LINGO2: variants seen among roughly 807,000 people sequenced by gnomAD.
LINGO2 encodes leucine-rich repeat and immunoglobulin-like domain-containing nogo receptor-interacting protein 2.
A neutral mutation model predicts 30.6 loss-of-function variants in LINGO2; 14 were observed. The observed-to-expected ratio is 0.46, with a 90% confidence interval of 0.30 to 0.72. The LOEUF is 0.72. Among genes scored for constraint, LINGO2 ranks in the 30% least tolerant of loss-of-function variants. LINGO2 has a pLI of 0.07. For missense variants in LINGO2, 729 were observed against 751.7 expected (o/e 0.97, Z 0.35); for synonymous variants, 317 against 288.5 (o/e 1.10, Z -1.00).
intron 3 of LINGO2, among the ~76,000 whole-genome samples, chr9:28,333,796 G>T (rs1306531362): frequency 6.6e-6 from 1 of 152,064 alleles, no homozygotes; most frequent in East Asian, 1.9e-4. Flanking sequence ...TATCATCATT[G>T]CTCCAAATGA....
rs141936550 is a variant in LINGO2 at position 28,133,514 on chromosome 9, T to C, written c.-86-121109A>G. ...ATGACATACAGATAGTATTTAAGATTCAATTGATACTATTAAAATATTACT... is the reference window on the plus strand; with the variant it reads ...ATGACATACAGATAGTATTTAAGATCCAATTGATACTATTAAAATATTACT... On this transcript the variant is annotated intron_variant, in intron 4 of 5. Transcript: ENST00000379992. 6.6e-4 allele frequency among the ~76,000 whole-genome samples: 100 copies of C among 152,278 alleles called. 1 individual carries two copies. In the East Asian group the frequency reaches 7.1e-3, roughly 11 times the overall value.
intron 1 of LINGO2, among the ~76,000 whole-genome samples, chr9:28,537,984 G>A (rs1328288291): frequency 6.6e-6 from 1 of 151,834 alleles, no homozygotes; most frequent in Non-Finnish European, 1.5e-5. Flanking sequence ...CTGCCGGATT[G>A]ACAGTAGTGT....
intron 4 of LINGO2, among the ~76,000 whole-genome samples, chr9:28,059,635 T>C (rs77524964): frequency 0.015 from 2,236 of 152,230 alleles, 62 homozygotes; most frequent in African/African-American, 0.051. Context: ...AGCAAATCTC[T>C]TATCTCTAGC....
At chr9:28,390,825 T>G (rs2134687071) in intron 2 of LINGO2, among the ~76,000 whole-genome samples, 1 of 152,344 alleles carries the variant, frequency 6.6e-6, no homozygotes, top group South Asian at 2.1e-4. Flanking sequence ...CTCTTCTTAT[T>G]ATTCAGGAAT....
chr9:29,176,865 AATT>A, the LINGO2 span, among the ~76,000 whole-genome samples: 3 of 152,186 alleles, frequency 2.0e-5, no homozygotes, highest in Non-Finnish European at 4.4e-5. Flanking sequence ...GTTATCAAAT[AATT>A]CCTTTCTCTG....
the LINGO2 span, among the ~76,000 whole-genome samples, chr9:28,697,905 T>C: frequency 6.6e-6 from 1 of 152,114 alleles, no homozygotes; most frequent in Non-Finnish European, 1.5e-5. Flanking sequence ...ATGAATTTTA[T>C]AACTTGGCTT....
At chr9:28,473,120 T>C (rs1307025864) in intron 2 of LINGO2, among the ~76,000 whole-genome samples, 1 of 152,168 alleles carries the variant, frequency 6.6e-6, no homozygotes, top group East Asian at 1.9e-4. Context: ...GATCTGAGAT[T>C]GTGATAAAAA....
the LINGO2 span, among the ~76,000 whole-genome samples, chr9:28,999,915 T>A: frequency 6.6e-5 from 10 of 152,066 alleles, no homozygotes; most frequent in African/African-American, 2.2e-4. Flanking sequence ...CATGTTTAGA[T>A]CTGGCTCTTT....
At chr9:28,567,483 A>T (rs1480018724) in intron 1 of LINGO2, among the ~76,000 whole-genome samples, 3 of 152,112 alleles carry the variant, frequency 2.0e-5, no homozygotes. Context: ...AAACAAAATC[A>T]TGCCTTTTGC....
intron 5 of LINGO2, among the ~76,000 whole-genome samples, chr9:27,972,394 G>A (rs1820398818): frequency 6.6e-6 from 1 of 152,204 alleles, no homozygotes; most frequent in African/African-American, 2.4e-5. Flanking sequence ...CTTTCTGCAA[G>A]TTTATTTAAC....
chr9:28,608,264 A>G (rs1485723334), intron 1 of LINGO2, among the ~76,000 whole-genome samples: 7 of 151,854 alleles, frequency 4.6e-5, no homozygotes, highest in Non-Finnish European at 1.0e-4. Flanking sequence ...TTTAGAACAC[A>G]CTGACATGGT....
chr9:28,990,099 A>C, the LINGO2 span, among the ~76,000 whole-genome samples: 2 of 152,226 alleles, frequency 1.3e-5, no homozygotes, highest in Non-Finnish European at 2.9e-5. Flanking sequence ...GCATTGCCTC[A>C]CTGGGAAGCG....
intron 2 of LINGO2, among the ~76,000 whole-genome samples, chr9:28,380,182 A>G (rs921149066): frequency 3.9e-5 from 6 of 152,040 alleles, no homozygotes; most frequent in South Asian, 2.1e-4. Flanking sequence ...CCAATCCATC[A>G]ATCATTCACT....
intron 1 of LINGO2, among the ~76,000 whole-genome samples, chr9:28,666,915 CA>C (rs1828823810): frequency 6.6e-6 from 1 of 151,986 alleles, no homozygotes; most frequent in Admixed American, 6.5e-5. Context: ...ACAATTATAG[CA>C]TTTTTTAAAA....
intron 1 of LINGO2, among the ~76,000 whole-genome samples, chr9:28,501,013 A>G (rs2135314672): frequency 6.6e-6 from 1 of 152,284 alleles, no homozygotes; most frequent in East Asian, 1.9e-4. Context: ...TAGTAGAGAA[A>G]AATAAAGACT....
intron 4 of LINGO2, chr9:28,080,940 A>G (rs983029331): frequency 5.3e-5 from 8 of 152,234 alleles, no homozygotes; most frequent in Non-Finnish European, 2.9e-5. Context: ...GTTGGATGAC[A>G]GCAAATGGGA....
intron 4 of LINGO2, among the ~76,000 whole-genome samples, chr9:28,134,920 C>T (rs1827473767): frequency 6.6e-6 from 1 of 152,194 alleles, no homozygotes; most frequent in Non-Finnish European, 1.5e-5. Context: ...AGCTCAGACG[C>T]TCTATACAGG....
At chr9:29,021,454 A>C in the LINGO2 span, among the ~76,000 whole-genome samples, 4 of 152,048 alleles carry the variant, frequency 2.6e-5, no homozygotes, top group African/African-American at 9.7e-5. Flanking sequence ...TCAGGTGTTC[A>C]AGACCAGCCT....
the LINGO2 span, among the ~76,000 whole-genome samples, chr9:29,024,687 C>A: frequency 6.6e-6 from 1 of 152,074 alleles, no homozygotes; most frequent in African/African-American, 2.4e-5. Context: ...ATGGAGAAGG[C>A]AGAGTGATAT....
Sources: allele counts gnomAD v4.1 joint callset (sites outside exome capture counted in the v4.1 genomes callset), GRCh38; gene constraint gnomAD v4.1.1; transcripts MANE v1.5; gene names NCBI Gene and HGNC (gene_info 2026-07-23, HGNC 2026-07-21).